The following OPCML variants were observed in gnomAD, a reference collection of about 807,000 sequenced individuals.
OPCML encodes opioid binding protein/cell adhesion molecule like.
OPCML carries 13 observed loss-of-function variants against 37.8 expected under a neutral mutation model. The ratio of observed to expected loss-of-function variants is 0.34; its 90% CI spans 0.22 to 0.55. The LOEUF is 0.55. Ranked by LOEUF, OPCML falls within the 20% of genes least tolerant of loss-of-function variation. OPCML has a pLI of 0.91. For synonymous variants in OPCML, 176 were observed against 168.8 expected (o/e 1.04, Z -0.33); for missense variants, 341 against 435.6 (o/e 0.78, Z 1.93).
At chr11:132,575,447 C>T (rs1333820959) in intron 3 of OPCML, among the ~76,000 whole-genome samples, 1 of 151,790 alleles carries the variant, frequency 6.6e-6, no homozygotes, top group African/African-American at 2.4e-5. Flanking sequence ...TACCTTGGAG[C>T]TTACACAAGA....
At chr11:132,433,587 G>A (rs751233764) in intron 7 of OPCML, among the ~76,000 whole-genome samples, 21 of 152,258 alleles carry the variant, frequency 1.4e-4, no homozygotes, top group Non-Finnish European at 2.8e-4. Context: ...GGGCTGAATC[G>A]CATCCCTCTA....
At chr11:133,004,032 G>A (rs1947060364) in intron 1 of OPCML, 3 of 985,376 alleles carry the variant, frequency 3.0e-6, no homozygotes, top group Non-Finnish European at 3.6e-6. Flanking sequence ...CTGGAGTCAG[G>A]CGGAAATGCC....
intron 2 of OPCML, among the ~76,000 whole-genome samples, chr11:132,789,112 C>T (rs984077613): frequency 6.6e-6 from 1 of 152,168 alleles, no homozygotes; most frequent in Admixed American, 6.5e-5. Context: ...TGTATCCTAT[C>T]ACTTCAGAGA....
At chr11:132,571,593 A>G (rs2096438602) in intron 3 of OPCML, among the ~76,000 whole-genome samples, 1 of 152,102 alleles carries the variant, frequency 6.6e-6, no homozygotes, top group Non-Finnish European at 1.5e-5. Context: ...CCTGTCACAT[A>G]TTGCAGAGTT....
chr11:133,024,676 T>G, intron 1 of OPCML: 1 of 845,934 alleles, frequency 1.2e-6, no homozygotes, highest in Non-Finnish European at 1.4e-6. Flanking sequence ...AGATGTTTGG[T>G]CTATGAAAGT....
chr11:132,863,300 G>A (rs2136366697), intron 2 of OPCML, among the ~76,000 whole-genome samples: 1 of 152,326 alleles, frequency 6.6e-6, no homozygotes, highest in Non-Finnish European at 1.5e-5. Context: ...ATACATGGGA[G>A]CTTTTGACGT....
intron 2 of OPCML, among the ~76,000 whole-genome samples, chr11:132,760,393 T>C (rs769945824): frequency 1.2e-4 from 19 of 152,120 alleles, no homozygotes; most frequent in Non-Finnish European, 1.9e-4. Context: ...ATATTGACAG[T>C]CGAGTGTTAA....
Position 133,069,538 on chromosome 11 carries a change from G to A in OPCML, c.62-126528C>T, listed in dbSNP as rs146550469. On this transcript the variant is annotated intron_variant, in intron 1 of 7. Coordinates refer to ENST00000524381, the MANE Select transcript of OPCML (RefSeq NM_001012393.5). ...AACCTGAATGAAGACACCCCTGAAT[G>A]ATGTGTAAGACACTATCAAACGTGT... 6.5e-3 allele frequency among the ~76,000 whole-genome samples: 997 copies of A among 152,286 alleles called. 14 individuals are homozygous for A. The highest frequency in any genetic ancestry group is 0.022 in the African/African-American group (916 of 41,558).
At chr11:132,655,862 CT>C (rs1181492812) in intron 3 of OPCML, among the ~76,000 whole-genome samples, 14,976 of 134,278 alleles carry the variant, frequency 0.11, 1,444 homozygotes, top group African/African-American at 0.27. Context: ...CATCGTGGTC[CT>C]TTTTTTTTTT....
At chr11:133,073,828 A>G (rs1486648111) in intron 1 of OPCML, among the ~76,000 whole-genome samples, 1 of 152,230 alleles carries the variant, frequency 6.6e-6, no homozygotes, top group Non-Finnish European at 1.5e-5. Flanking sequence ...TATATATGTT[A>G]GCTCACTGAA....
At position 132,436,190 on chromosome 11, in the gene OPCML, A is replaced by G. The variant is rs145413900; in HGVS notation, c.812T>C (p.Met271Thr). 6.2e-7 allele frequency: 1 copy of G among 1,614,240 alleles called. No individual in the cohort carries two copies. The highest frequency in any genetic ancestry group is 1.7e-5 in the Admixed American group (1 of 60,036). Reference protein sequence around the residue: ...DGMRIENKGRMSTLTFFNVSE... With the variant: ...DGMRIENKGRTSTLTFFNVSE... ...AACATTGAAGAAAGTCAGAGTGGAC[A>G]TGCGGCCTTTGTTTTCAATCCTCAT... Residue 271 changes from methionine (M) to threonine (T), a missense_variant, in exon 7 of 8, where the codon ATG becomes ACG. Transcript: ENST00000524381.
intron 4 of OPCML, among the ~76,000 whole-genome samples, chr11:132,509,479 C>A (rs949640715): frequency 6.6e-6 from 1 of 152,158 alleles, no homozygotes; most frequent in Non-Finnish European, 1.5e-5. Flanking sequence ...AGCAGCCCCT[C>A]CCATCACAGG....
At chr11:133,012,840 A>G (rs1406983408) in intron 1 of OPCML, among the ~76,000 whole-genome samples, 3 of 148,904 alleles carry the variant, frequency 2.0e-5, no homozygotes, top group Non-Finnish European at 3.0e-5. Context: ...ATTGCACTCC[A>G]GCCTAGGCAA....
At position 133,463,025 on chromosome 11, in the gene OPCML, C is replaced by A. The variant is rs199852465; in HGVS notation, c.61+69239G>T. On this transcript the variant is annotated intron_variant, in intron 1 of 7. Transcript: ENST00000524381. ...CTTCAAAAGGAAGAAAATTATGACA[C>A]AAGCCACAGCCTGGATAAAACGTTA... 4.1e-5 allele frequency among the ~76,000 whole-genome samples: 6 copies of A among 147,762 alleles called. No individual in the cohort carries two copies. The South Asian group carries it at 6.4e-4, about 16-fold the overall frequency.
chr11:133,112,859 G>A (rs1158513071), intron 1 of OPCML, among the ~76,000 whole-genome samples: 1 of 152,092 alleles, frequency 6.6e-6, no homozygotes, highest in Non-Finnish European at 1.5e-5. Context: ...AGAGTGGACT[G>A]TCATGCCCCC....
At chr11:132,630,140 C>T (rs1324378229) in intron 3 of OPCML, among the ~76,000 whole-genome samples, 1 of 152,180 alleles carries the variant, frequency 6.6e-6, no homozygotes, top group Non-Finnish European at 1.5e-5. Context: ...ATGTTCTTAT[C>T]CCTTAAGGCA....
chr11:132,625,329 T>G (rs569520743), intron 3 of OPCML, among the ~76,000 whole-genome samples: 1 of 152,224 alleles, frequency 6.6e-6, no homozygotes, highest in East Asian at 1.9e-4. Flanking sequence ...AGAGGGGTGT[T>G]GTGAAGAGGT....
intron 2 of OPCML, among the ~76,000 whole-genome samples, chr11:132,678,429 C>T (rs7933969): frequency 6.6e-6 from 1 of 152,162 alleles, no homozygotes; most frequent in South Asian, 2.1e-4. Flanking sequence ...TATGACCATG[C>T]AAAGACCTGC....
intron 1 of OPCML, among the ~76,000 whole-genome samples, chr11:132,961,753 C>T (rs1421307819): frequency 6.6e-6 from 1 of 152,204 alleles, no homozygotes; most frequent in Admixed American, 6.5e-5. Flanking sequence ...CTACAGATCC[C>T]TGGCCATTGC....
Sources: allele counts gnomAD v4.1 joint callset (sites outside exome capture counted in the v4.1 genomes callset), GRCh38; gene constraint gnomAD v4.1.1; transcripts MANE v1.5; gene names NCBI Gene and HGNC (gene_info 2026-07-23, HGNC 2026-07-21).